Variants in CEP131 observed in about 807,000 individuals in gnomAD.
CEP131 encodes the protein centrosomal protein 131.
CEP131 carries 99 observed loss-of-function variants against 136.8 expected under a neutral mutation model. The ratio of observed to expected loss-of-function variants is 0.72; its 90% CI spans 0.62 to 0.86. The LOEUF (loss-of-function observed/expected upper bound fraction) is 0.86. CEP131 is among the 40% of genes least tolerant of loss of function. The probability of loss-of-function intolerance (pLI) is 0.00; values close to 1 mark genes in which losing one functional copy is unlikely to be tolerated. For synonymous variants in CEP131, 646 were observed against 612.7 expected, an observed-to-expected ratio of 1.05 and a Z score of -0.80; for missense variants, 1,459 against 1,463.0, an observed-to-expected ratio of 1.00 and a Z score of 0.04.
At position 81,207,176 on chromosome 17, in the gene CEP131, A is replaced by T. The variant is rs201623784; in HGVS notation, c.336T>A (p.Pro112=). The change falls in exon 4 of 26, where the codon CCT becomes CCA. Residue 112 remains proline, a synonymous_variant. Coordinates refer to ENST00000450824, the MANE Select transcript of CEP131 (RefSeq NM_014984.4). ...FEGSPSGKKR[P]ASLSTAPSEK... Reference sequence around the variant, plus strand: ...CGCTGGGGGCTGTGCTCAGGCTGGCAGGCCTCTTTTTCCCACTGGGGCTGC... The same window carrying T: ...CGCTGGGGGCTGTGCTCAGGCTGGCTGGCCTCTTTTTCCCACTGGGGCTGC... 1.0e-4 allele frequency: 163 copies of T among 1,613,592 alleles called. No individual in the cohort carries two copies. The highest frequency in any genetic ancestry group is 1.4e-4 in the Non-Finnish European group (160 of 1,179,936).
chr17:81,207,871 G>A (rs1018200596), intron 3 of CEP131, among the ~76,000 whole-genome samples: 17 of 744 alleles, frequency 0.023, no homozygotes, highest in Non-Finnish European at 0.025. Flanking sequence ...TGAGGGTGGT[G>A]ACACACCAAA....
chr17:81,203,944 C>A lies in CEP131; in HGVS notation c.516-337G>T. On this transcript the variant is annotated intron_variant, in intron 5 of 25. Transcript: ENST00000450824. The surrounding 1 kb of genome is among the most constrained non-coding windows in gnomAD (Gnocchi z 4.6). ...CAGACTCACAGAAGCGAAGCCCCAT[C>A]CCACACGACGGATGGAAGCCACATT... 3.9e-6 allele frequency: 1 copy of A among 257,656 alleles called. No homozygotes were observed. Among genetic ancestry groups the A allele is most frequent in the Non-Finnish European group, 7.5e-6 (1 of 132,592 alleles). 16.0% of individuals were successfully genotyped at this position (257,656 alleles called of 1,614,324 possible).
At chr17:81,198,389 C>T (rs999382421) in intron 11 of CEP131, 92 bp from the exon 12 acceptor site, 5 of 1,323,260 alleles carry the variant, frequency 3.8e-6, no homozygotes, top group Admixed American at 5.2e-5. Flanking sequence ...CCCAAAGGCG[C>T]CGCGGGAGCT....
At chr17:81,214,874 G>A (rs959301569) in intron 2 of CEP131, among the ~76,000 whole-genome samples, 1 of 151,824 alleles carries the variant, frequency 6.6e-6, no homozygotes, top group East Asian at 1.9e-4. Context: ...CTGGGTTCAC[G>A]CCATTCTCCT....
chr17:81,213,464 T>G (rs1388771197), intron 2 of CEP131, among the ~76,000 whole-genome samples: 1 of 151,234 alleles, frequency 6.6e-6, no homozygotes, highest in Non-Finnish European at 1.5e-5. Flanking sequence ...GAGGCTGAGA[T>G]AGGAAAATCG....
At chr17:81,198,072 G>A (rs754794771) in intron 12 of CEP131, 43 bp downstream of exon 12, 32 of 1,515,024 alleles carry the variant, frequency 2.1e-5, no homozygotes, top group East Asian at 9.7e-5. Flanking sequence ...TGTGAATGGC[G>A]TGGGTGGACA....
intron 21 of CEP131, 156 bp from the exon 22 acceptor site, chr17:81,191,491 C>G: frequency 1.5e-6 from 1 of 678,962 alleles, no homozygotes; most frequent in Non-Finnish European, 2.5e-6. Flanking sequence ...TGCGCTACGT[C>G]CTGTTGTCAG....
intron 21 of CEP131, among the ~76,000 whole-genome samples, chr17:81,191,874 G>A (rs1199235650): frequency 6.6e-6 from 1 of 152,176 alleles, no homozygotes; most frequent in Admixed American, 6.5e-5. Flanking sequence ...GGTCAGCCTG[G>A]ACTGTAGCCT....
At position 81,206,645 on chromosome 17, in the gene CEP131, A is replaced by G. The variant is rs1416296301; in HGVS notation, c.515+99T>C. On this transcript the variant is annotated intron_variant, in intron 5 of 25. Transcript: ENST00000450824. ...TCACTCACTCATTCATTCATTCCAA[A>G]GCACCCTGAACGAGCCATAAACAAG... 10 of 1,453,686 alleles carry G rather than the reference A, an allele frequency of 6.9e-6. No individual in the cohort carries two copies. In the Admixed American group the frequency reaches 2.3e-4, roughly 34 times the overall value. The allele number at this position is 1,453,686 out of a possible 1,614,324, so 90.0% of individuals were successfully genotyped here.
At chr17:81,191,525 C>T (rs148857260) in intron 21 of CEP131, among the ~76,000 whole-genome samples, 190 bp from the exon 22 acceptor site, 114 of 152,282 alleles carry the variant, frequency 7.5e-4, no homozygotes, top group African/African-American at 2.6e-3. Flanking sequence ...CATAGGCGTA[C>T]CAGAGATCGT....
intron 5 of CEP131, among the ~76,000 whole-genome samples, chr17:81,204,666 T>C (rs1456063211): frequency 6.6e-6 from 1 of 151,600 alleles, no homozygotes; most frequent in Non-Finnish European, 1.5e-5. Flanking sequence ...AGCAGAGCAA[T>C]GCACGAAACC....
At chr17:81,207,348 G>T in intron 3 of CEP131, 109 bp from the exon 4 acceptor site, 1 of 905,050 alleles carries the variant, frequency 1.1e-6, no homozygotes, top group Non-Finnish European at 1.7e-6. Flanking sequence ...TGAGGCACTA[G>T]CAGCAACTCT....
intron 7 of CEP131, among the ~76,000 whole-genome samples, chr17:81,200,707 G>A (rs1201560796): frequency 1.3e-5 from 2 of 152,202 alleles, no homozygotes; most frequent in African/African-American, 4.8e-5. Flanking sequence ...GCAGGCCTGT[G>A]TGGCCTTATT....
In CEP131 at chr17:81,211,897, C is replaced by T. The variant is rs117771122; in HGVS notation, c.178-2875G>A. 5.0e-3 allele frequency among the ~76,000 whole-genome samples: 718 copies of T among 144,076 alleles called. 4 individuals are homozygous for T. The highest frequency in any genetic ancestry group is 7.6e-3 in the Non-Finnish European group (509 of 66,720). 94.5% of individuals were successfully genotyped at this position (144,076 alleles called of 152,430 possible). A position where few individuals can be genotyped will look rare whatever the true frequency, so the allele number is the denominator to read the frequency against. ...GTAGTGAGCTATGATAGTGTCACTGCACTCCAACCTGGGCAACACAGTGAG... is the reference window on the plus strand; with the variant it reads ...GTAGTGAGCTATGATAGTGTCACTGTACTCCAACCTGGGCAACACAGTGAG... On this transcript the variant is annotated intron_variant, in intron 2 of 25. Transcript: ENST00000450824.
At chr17:81,193,897 G>C in intron 18 of CEP131, 29 bp downstream of exon 18, 1 of 1,530,352 alleles carries the variant, frequency 6.5e-7, no homozygotes, top group Non-Finnish European at 8.8e-7. Context: ...TGAGGGTCCT[G>C]GCCCCACCGG....
At chr17:81,197,534 G>T (rs987319551) in intron 13 of CEP131, 178 bp downstream of exon 13, 11 of 939,402 alleles carry the variant, frequency 1.2e-5, no homozygotes, top group Non-Finnish European at 1.5e-5. Context: ...GCATAACTAG[G>T]TGGGTACATG....
In CEP131 at chr17:81,199,414, T is replaced by C; in HGVS notation, c.1159A>G (p.Thr387Ala). ...AQELSPTPGG[T>A]AHQALKANNT... ...TTGGCCTTGAGGGCCTGGTGGGCAG[T>C]GCCGCCTGGTGTGGGGGACAGCTCC... Residue 387 changes from threonine (T) to alanine (A), a missense_variant, in exon 10 of 26, where the codon ACT becomes GCT. Thr to Ala is a moderately conservative substitution (Grantham distance 58, BLOSUM62 0). Transcript: ENST00000450824. 1.2e-6 allele frequency: 2 copies of C among 1,606,008 alleles called. No individual in the cohort carries two copies. The highest frequency in any genetic ancestry group is 1.7e-6 in the Non-Finnish European group (2 of 1,177,476).
At chr17:81,195,329 T>A (rs1410292189) in intron 16 of CEP131, among the ~76,000 whole-genome samples, 2 of 152,006 alleles carry the variant, frequency 1.3e-5, no homozygotes, top group Non-Finnish European at 2.9e-5. Flanking sequence ...CACAGTCACG[T>A]GCAGGGATTT....
At position 81,192,789 on chromosome 17, in the gene CEP131, C is replaced by CCGCTG; in HGVS notation, c.2371_2375dup (p.Leu793SerfsTer28). On this transcript the variant is annotated frameshift_variant, in exon 19 of 26. Coordinates refer to ENST00000450824, the MANE Select transcript of CEP131 (RefSeq NM_014984.4). LOFTEE classifies it high-confidence loss of function. Reference sequence around the variant, plus strand: ...TCTCCTCAGCCACCTCACTGTACAGCCGCTGCCGTTGCTGCTGCAGCGCCC... The same window carrying CCGCTG: ...TCTCCTCAGCCACCTCACTGTACAGCCGCTGCGCTGCCGTTGCTGCTGCAGCGCCC... 2 of 1,596,944 alleles carry CCGCTG rather than the reference C, an allele frequency of 1.3e-6. No individual in the cohort carries two copies. The highest frequency in any genetic ancestry group is 2.2e-5 in the East Asian group (1 of 44,846).
Sources: gnomAD v4.1 joint callset for allele counts (sites outside exome capture counted in the v4.1 genomes callset) on GRCh38, gnomAD v4.1.1 for gene constraint, Gnocchi (gnomAD v3.1) non-coding constraint, MANE v1.5 for transcripts, NCBI Gene and HGNC (gene_info 2026-07-23, HGNC 2026-07-21) for gene names.